The following BACH1 variants were observed in gnomAD, a reference collection of about 807,000 sequenced individuals.
BACH1 encodes the protein BTB domain and CNC homolog 1.
BACH1 carries 35 observed loss-of-function variants against 52.9 expected under a neutral mutation model. That is an observed-to-expected ratio of 0.66 (90% CI 0.51 to 0.88). The LOEUF is 0.88. BACH1 is among the 40% of genes least tolerant of loss of function. The pLI, the probability that BACH1 is intolerant of heterozygous loss-of-function variation, is 0.00. For missense variants in BACH1, 808 were observed against 872.6 expected, an observed-to-expected ratio of 0.93 and a Z score of 0.93; for synonymous variants, 321 against 319.6, an observed-to-expected ratio of 1.00 and a Z score of -0.05.
At chr21:29,355,676 A>C (rs2089229693) in intron 2 of BACH1, among the ~76,000 whole-genome samples, 1 of 152,196 alleles carries the variant, frequency 6.6e-6, no homozygotes, top group African/African-American at 2.4e-5. Context: ...TCCATTCGTA[A>C]GACCATCTGT....
chr21:29,361,132 C>T (rs557028618), intron 2 of BACH1: 2 of 152,120 alleles, frequency 1.3e-5, no homozygotes, highest in African/African-American at 2.4e-5. Flanking sequence ...GTTTGTTGAA[C>T]GTTGCTGATG....
chr21:29,300,944 C>G (rs1015428446), intron 1 of BACH1: 3 of 152,198 alleles, frequency 2.0e-5, no homozygotes, highest in African/African-American at 7.2e-5. Flanking sequence ...TTATATGACA[C>G]CACTGCCTTT....
chr21:29,355,129 GCTGATTGGTCCATTTTACAGAGCA>G (rs1453539182), intron 2 of BACH1, among the ~76,000 whole-genome samples: 1 of 152,188 alleles, frequency 6.6e-6, no homozygotes, highest in Non-Finnish European at 1.5e-5. Context: ...GCCACATCCT[GCTGATTGGTCCATTTTACAGAGCA>G]CTGATTGGTC....
chr21:29,326,437 C>A lies in BACH1; in HGVS notation c.613C>A (p.Gln205Lys). 6.2e-7 allele frequency: 1 copy of A among 1,614,208 alleles called. No homozygotes were observed. Among genetic ancestry groups the A allele is most frequent in the South Asian group, 1.1e-5 (1 of 91,074 alleles). The change falls in exon 3 of 5, where the codon CAG (glutamine) becomes AAG (lysine). Residue 205 changes from glutamine (Q) to lysine (K), a missense_variant. Gln to Lys is a moderately conservative substitution (Grantham distance 53). Transcript: ENST00000286800. ...ACCTCCTCTACAAGACAGTGCCAGT[C>A]AGACATATGAGTCCATGTGCTTAGA... ...ASPPLQDSASQTYESMCLEKD... is the reference protein window; with the variant it reads ...ASPPLQDSASKTYESMCLEKD...
In BACH1 at chr21:29,326,220, C is replaced by T. The variant is rs754935841; in HGVS notation, c.396C>T (p.Asp132=). 1.9e-5 allele frequency: 30 copies of T among 1,614,064 alleles called. No individual in the cohort carries two copies. The highest frequency in any genetic ancestry group is 2.4e-5 in the Non-Finnish European group (28 of 1,180,034). ...AGTTTCTGAAATTTAAGTTTTTGGACTCCACTGCAGACCAGCAAGAATGCC... is the reference window on the plus strand; with the variant it reads ...AGTTTCTGAAATTTAAGTTTTTGGATTCCACTGCAGACCAGCAAGAATGCC... ...CFQFLKFKFL[D]STADQQECPR... Residue 132 remains aspartate, a synonymous_variant, in exon 3 of 5, where the codon GAC becomes GAT. Coordinates refer to ENST00000286800, the MANE Select transcript of BACH1 (RefSeq NM_001186.4).
chr21:29,324,217 G>C (rs750329017), intron 2 of BACH1, among the ~76,000 whole-genome samples: 5 of 139,548 alleles, frequency 3.6e-5, no homozygotes, highest in Non-Finnish European at 3.0e-5. Context: ...GGGTGACAGA[G>C]AGAGACTCTG....
intron 1 of BACH1, among the ~76,000 whole-genome samples, chr21:29,304,601 A>G (rs2088635695): frequency 6.6e-6 from 1 of 152,114 alleles, no homozygotes; most frequent in Non-Finnish European, 1.5e-5. Flanking sequence ...GTAATAGCCT[A>G]CCTCTAAGGC....
chr21:29,334,735 A>G (rs1169066467), intron 4 of BACH1, among the ~76,000 whole-genome samples: 3 of 152,232 alleles, frequency 2.0e-5, no homozygotes, highest in Non-Finnish European at 4.4e-5. Flanking sequence ...TTCAGACACC[A>G]TTTTATTTCA....
chr21:29,346,991 C>T (rs756920330), downstream of BACH1, among the ~76,000 whole-genome samples: 2 of 152,028 alleles, frequency 1.3e-5, no homozygotes, highest in Non-Finnish European at 2.9e-5. Flanking sequence ...AGTGGGTGTC[C>T]CAGCATCTTG....
downstream of BACH1, among the ~76,000 whole-genome samples, chr21:29,348,348 C>T (rs761269909): frequency 3.2e-4 from 49 of 152,130 alleles, no homozygotes; most frequent in Non-Finnish European, 5.7e-4. Context: ...CCACAACCAC[C>T]CTTGTTTCGA....
downstream of BACH1, among the ~76,000 whole-genome samples, chr21:29,350,536 A>C (rs1242193446): frequency 6.6e-6 from 1 of 152,178 alleles, no homozygotes; most frequent in Non-Finnish European, 1.5e-5. Flanking sequence ...GTTTCCATGA[A>C]GGGAGATTTT....
At chr21:29,351,592 C>T (rs749811778) in intron 2 of BACH1, 2 of 534,516 alleles carry the variant, frequency 3.7e-6, no homozygotes, top group Admixed American at 3.9e-5. Context: ...AAGACCTCAT[C>T]TATTATGCTC....
chr21:29,329,367 A>G (rs2088954505), intron 3 of BACH1, 120 bp from the exon 4 acceptor site: 1 of 771,594 alleles, frequency 1.3e-6, no homozygotes, highest in East Asian at 3.0e-5. Flanking sequence ...ATAGAGGCCT[A>G]TGTTTTCTTT....
At chr21:29,320,977 C>A (rs543689666) in intron 1 of BACH1, among the ~76,000 whole-genome samples, 63 of 152,178 alleles carry the variant, frequency 4.1e-4, no homozygotes, top group Non-Finnish European at 7.9e-4. Flanking sequence ...TTTCAGAGAG[C>A]CATGAAATCC....
intron 2 of BACH1, among the ~76,000 whole-genome samples, chr21:29,322,400 A>AT (rs1362005264): frequency 2.0e-5 from 3 of 152,124 alleles, no homozygotes; most frequent in Non-Finnish European, 4.4e-5. Context: ...ATATAGCCTT[A>AT]TTTTTACATA....
rs1179154095 is a variant in BACH1, at chr21:29,298,934, C to G, written c.-80C>G. 6.6e-6 allele frequency: 1 copy of G among 150,784 alleles called. No individual in the cohort carries two copies. Among genetic ancestry groups the G allele is most frequent in the East Asian group, 1.9e-4 (1 of 5,154 alleles). The allele number at this position is 150,784 out of a possible 1,614,324, so 9.3% of individuals were successfully genotyped here. On this transcript the variant is annotated 5_prime_UTR_variant, in exon 1 of 5. Coordinates refer to ENST00000286800, the MANE Select transcript of BACH1 (RefSeq NM_001186.4). ...GCGCTCTCGCTTCAGTCAGTCGGGC[C>G]GCGCCGCGCCTCAGCTCTGGTGAGT...
chr21:29,358,851 G>C (rs1453529177), intron 2 of BACH1, among the ~76,000 whole-genome samples: 1 of 151,390 alleles, frequency 6.6e-6, no homozygotes, highest in Non-Finnish European at 1.5e-5. Flanking sequence ...TAAATAGAAA[G>C]AAGTAAAAAA....
chr21:29,323,013 T>C (rs2088866750), intron 2 of BACH1, among the ~76,000 whole-genome samples: 1 of 98,300 alleles, frequency 1.0e-5, no homozygotes, highest in African/African-American at 5.3e-5. Context: ...GTGTATGCAT[T>C]CATTCATTCT....
At position 29,334,111 on chromosome 21, in the gene BACH1, A is replaced by AT. The variant is rs770900706; in HGVS notation, c.1776+4429dup. Among the ~76,000 whole-genome samples the AT allele has an allele frequency of 2.6e-3, 373 of 144,612 alleles. 2 individuals carry two copies. Among genetic ancestry groups the AT allele is most frequent in the Middle Eastern group, 0.011 (3 of 282 alleles). The allele number at this position is 144,612 out of a possible 152,430, so 94.9% of individuals were successfully genotyped here. A position where few individuals can be genotyped will look rare whatever the true frequency, so the allele number is the denominator to read the frequency against. On this transcript the variant is annotated intron_variant, in intron 4 of 4. Transcript: ENST00000286800. The stretch of plus-strand genomic sequence containing the variant: ...TTTTGTTATTTTTTTTATTTTTTTT[A>AT]TTTTTTTTTTTGAGGCAGAGTCTCG...
Sources: allele counts gnomAD v4.1 joint callset (sites outside exome capture counted in the v4.1 genomes callset), GRCh38; gene constraint gnomAD v4.1.1; transcripts MANE v1.5; gene names NCBI Gene and HGNC (gene_info 2026-07-23, HGNC 2026-07-21).